Variants in GALNTL6 observed in about 807,000 individuals in gnomAD.
The protein encoded by GALNTL6 is polypeptide N-acetylgalactosaminyltransferase-like 6.
Under a neutral mutation model 73.7 loss-of-function variants are expected in GALNTL6, and 46 were observed. That is an observed-to-expected ratio of 0.62 (90% CI 0.49 to 0.80). The LOEUF is 0.80. GALNTL6 is among the 30% of genes least tolerant of loss of function. The pLI, the probability that GALNTL6 is intolerant of heterozygous loss-of-function variation, is 0.00. For missense variants in GALNTL6, 604 were observed against 755.0 expected (o/e 0.80, Z 2.34); for synonymous variants, 259 against 263.7 (o/e 0.98, Z 0.17).
intron 2 of GALNTL6, chr4:171,815,934 C>A (rs368005914): frequency 6.6e-6 from 1 of 151,896 alleles, no homozygotes; most frequent in Non-Finnish European, 1.5e-5. Flanking sequence ...ATTGTTATTT[C>A]GAGGAAAAAT....
At chr4:172,888,830 A>C (rs1322316327) in intron 8 of GALNTL6, among the ~76,000 whole-genome samples, 1 of 152,220 alleles carries the variant, frequency 6.6e-6, no homozygotes, top group Non-Finnish European at 1.5e-5. Flanking sequence ...ATAGCGTTGA[A>C]TCTATAGATA....
intron 5 of GALNTL6, among the ~76,000 whole-genome samples, chr4:172,793,908 A>T (rs1740126962): frequency 6.7e-6 from 1 of 148,282 alleles, no homozygotes; most frequent in Non-Finnish European, 1.5e-5. Flanking sequence ...GACAGAAGTG[A>T]TATATATACA....
chr4:172,887,451 G>C (rs536219651), intron 8 of GALNTL6, among the ~76,000 whole-genome samples: 82 of 152,138 alleles, frequency 5.4e-4, no homozygotes, highest in Non-Finnish European at 1.0e-3. Flanking sequence ...GTTTTCCCCA[G>C]TGGCTGAACT....
intron 2 of GALNTL6, among the ~76,000 whole-genome samples, chr4:172,000,479 A>G (rs1448595619): frequency 1.3e-5 from 2 of 152,096 alleles, no homozygotes; most frequent in Admixed American, 6.6e-5. Flanking sequence ...TGGTACAATT[A>G]TTGTCCTGAA....
At chr4:172,466,277 A>C (rs1442152861) in intron 5 of GALNTL6, among the ~76,000 whole-genome samples, 3 of 152,180 alleles carry the variant, frequency 2.0e-5, no homozygotes, top group Admixed American at 2.0e-4. Flanking sequence ...TATTTTTGAA[A>C]ATGTACAAAA....
At chr4:172,762,451 T>TAA (rs5864167) in intron 5 of GALNTL6, among the ~76,000 whole-genome samples, 124 of 145,546 alleles carry the variant, frequency 8.5e-4, no homozygotes, top group African/African-American at 2.2e-3. Context: ...GTGTCAAACT[T>TAA]AAAAAAAAAA....
chr4:172,593,506 A>T (rs969294700), intron 5 of GALNTL6, among the ~76,000 whole-genome samples: 1 of 152,190 alleles, frequency 6.6e-6, no homozygotes, highest in African/African-American at 2.4e-5. Context: ...GAGAGAGAAA[A>T]TTATTTCTTC....
Position 172,202,438 on chromosome 4 carries a change from T to C in GALNTL6, c.139-27218T>C, listed in dbSNP as rs569743144. On this transcript the variant is annotated intron_variant, in intron 2 of 12. Transcript: ENST00000506823. ...TATTATTCCTTAAGTTTTTGGATAG[T>C]GTAATATTAGTGTTGAAATAATTAT... 2.6e-5 allele frequency among the ~76,000 whole-genome samples: 4 copies of C among 152,342 alleles called. No homozygotes were observed. In the South Asian group the frequency reaches 8.3e-4, roughly 32 times the overall value.
intron 2 of GALNTL6, among the ~76,000 whole-genome samples, chr4:171,964,047 G>C (rs997482782): frequency 2.6e-5 from 4 of 152,154 alleles, no homozygotes; most frequent in Non-Finnish European, 5.9e-5. Context: ...TGGGTATCCT[G>C]TCTTGTAATG....
At chr4:172,871,080 G>C (rs7673435) in intron 7 of GALNTL6, among the ~76,000 whole-genome samples, 129 of 152,010 alleles carry the variant, frequency 8.5e-4, no homozygotes, top group South Asian at 5.0e-3. Context: ...TTTAAGTAAG[G>C]GGGTAGCAGG....
At chr4:171,873,869 G>T (rs1736202080) in intron 2 of GALNTL6, among the ~76,000 whole-genome samples, 1 of 152,090 alleles carries the variant, frequency 6.6e-6, no homozygotes, top group Non-Finnish European at 1.5e-5. Context: ...ATGTGGAGTT[G>T]AAGGAGGGAC....
At chr4:172,844,742 A>G (rs1279967001) in intron 7 of GALNTL6, among the ~76,000 whole-genome samples, 2 of 152,216 alleles carry the variant, frequency 1.3e-5, no homozygotes, top group Admixed American at 1.3e-4. Context: ...TTCTCAGGGT[A>G]GGTGCCACAG....
intron 12 of GALNTL6, among the ~76,000 whole-genome samples, chr4:173,025,080 C>T (rs983341930): frequency 2.0e-5 from 3 of 152,282 alleles, no homozygotes; most frequent in Non-Finnish European, 4.4e-5. Context: ...GACCTTGCTT[C>T]CTGGTTTCAG....
At chr4:171,961,401 G>C (rs911658909) in intron 2 of GALNTL6, among the ~76,000 whole-genome samples, 4 of 152,088 alleles carry the variant, frequency 2.6e-5, no homozygotes, top group African/African-American at 9.7e-5. Context: ...ATAGGTATTT[G>C]ATGGTACAAA....
chr4:172,099,664 C>T (rs543810502), intron 2 of GALNTL6, among the ~76,000 whole-genome samples: 1 of 152,122 alleles, frequency 6.6e-6, no homozygotes, highest in Non-Finnish European at 1.5e-5. Flanking sequence ...TCTAGCACTA[C>T]ACTTGTCTAG....
At chr4:172,577,123 G>A (rs753229222) in intron 5 of GALNTL6, among the ~76,000 whole-genome samples, 3 of 152,100 alleles carry the variant, frequency 2.0e-5, no homozygotes, top group Non-Finnish European at 2.9e-5. Flanking sequence ...TCATACTGCT[G>A]GGCAGTCGGG....
rs34316166 is a variant in GALNTL6, at chr4:171,909,144, T to TAATAAATA, written c.138+94441_138+94448dup. Among the ~76,000 whole-genome samples, 220 of 128,494 alleles carry TAATAAATA rather than the reference T, an allele frequency of 1.7e-3. 1 individual carries two copies. In the Middle Eastern group the frequency reaches 0.02, roughly 12 times the overall value. The allele number at this position is 128,494 out of a possible 152,430, so 84.3% of individuals were successfully genotyped here. On this transcript the variant is annotated intron_variant, in intron 2 of 12. Transcript: ENST00000506823. ...ATGTACCCTAAAACTTAAAGTATAA[T>TAATAAATA]AATAAATAAATAAATAAATAAAAAG...
intron 12 of GALNTL6, among the ~76,000 whole-genome samples, chr4:173,026,053 G>A (rs559999175): frequency 1.1e-4 from 16 of 152,110 alleles, no homozygotes; most frequent in Non-Finnish European, 1.8e-4. Context: ...AAAATTGAGC[G>A]CTATCTCCCA....
chr4:171,993,972 C>A (rs1740413037), intron 2 of GALNTL6, among the ~76,000 whole-genome samples: 1 of 151,578 alleles, frequency 6.6e-6, no homozygotes, highest in Non-Finnish European at 1.5e-5. Flanking sequence ...AAATTTTGTT[C>A]CTGGGATTAA....
Sources: gnomAD v4.1 joint callset for allele counts (sites outside exome capture counted in the v4.1 genomes callset) on GRCh38, gnomAD v4.1.1 for gene constraint, MANE v1.5 for transcripts, NCBI Gene and HGNC (gene_info 2026-07-23, HGNC 2026-07-21) for gene names.